Variants in TMIGD3 observed in about 807,000 individuals in gnomAD.
TMIGD3 encodes the protein transmembrane and immunoglobulin domain containing 3.
TMIGD3 carries 21 observed loss-of-function variants against 28.1 expected under a neutral mutation model. That is an observed-to-expected ratio of 0.75 (90% CI 0.53 to 1.08). The LOEUF (loss-of-function observed/expected upper bound fraction) is 1.08, where lower values mean the gene tolerates loss of function less well. Among genes scored for constraint, TMIGD3 ranks in the 50% least tolerant of loss-of-function variants. The pLI, the probability that TMIGD3 is intolerant of heterozygous loss-of-function variation, is 0.00. For missense variants in TMIGD3, 416 were observed against 435.6 expected (o/e 0.96, Z 0.40); for synonymous variants, 151 against 162.1 (o/e 0.93, Z 0.52).
Position 111,493,637 on chromosome 1 carries a change from C to G in TMIGD3, c.351-2875G>C, listed in dbSNP as rs181314457. ...TCTACTTTTGTATGTATGAAGTTTT[C>G]CATAAGAAAAAGTAAAAATCAAAAA... On this transcript the variant is annotated intron_variant, in intron 1 of 5. Coordinates refer to ENST00000369716, the MANE Select transcript of TMIGD3 (RefSeq NM_020683.7). Among the ~76,000 whole-genome samples, 22 of 152,266 alleles carry G rather than the reference C, an allele frequency of 1.4e-4. No individual in the cohort carries two copies. The East Asian group carries it at 3.5e-3, about 24-fold the overall frequency.
chr1:111,561,398 A>G (rs1657730138), intron 1 of TMIGD3, among the ~76,000 whole-genome samples: 1 of 152,260 alleles, frequency 6.6e-6, no homozygotes, highest in African/African-American at 2.4e-5. Context: ...CTGGGATTAC[A>G]GGCGTGAGCC....
chr1:111,554,720 A>G (rs1312385682), intron 1 of TMIGD3, among the ~76,000 whole-genome samples: 1 of 152,242 alleles, frequency 6.6e-6, no homozygotes. Context: ...TGAGACTTCA[A>G]ATAAGGTTAC....
intron 1 of TMIGD3, among the ~76,000 whole-genome samples, chr1:111,561,732 A>G (rs1177019546): frequency 6.6e-6 from 1 of 151,968 alleles, no homozygotes; most frequent in Non-Finnish European, 1.5e-5. Flanking sequence ...TTTCTCTCAT[A>G]TGTGTGTGTA....
chr1:111,525,514 T>C (rs1315834309), intron 1 of TMIGD3, among the ~76,000 whole-genome samples: 2 of 152,214 alleles, frequency 1.3e-5, no homozygotes, highest in Non-Finnish European at 2.9e-5. Context: ...AGTGTTACCA[T>C]GGTGTATGAT....
intron 1 of TMIGD3, among the ~76,000 whole-genome samples, chr1:111,497,710 A>C (rs544007447): frequency 6.6e-6 from 1 of 152,206 alleles, no homozygotes; most frequent in Non-Finnish European, 1.5e-5. Flanking sequence ...AAAAGAAAAA[A>C]GTAAAAGCAG....
Position 111,500,052 on chromosome 1 carries a change from T to C in TMIGD3, c.350+2953A>G, listed in dbSNP as rs769492097. The C allele has an allele frequency of 1.9e-6, 3 of 1,614,112 alleles. No homozygotes were observed. In the African/African-American group the frequency reaches 4.0e-5, roughly 22 times the overall value. ...GGTAGGTTTCCTTGAACTTCTTTATTTTATAGGCATAGACGATAGGGTTCA... is the reference window on the plus strand; with the variant it reads ...GGTAGGTTTCCTTGAACTTCTTTATCTTATAGGCATAGACGATAGGGTTCA... On this transcript the variant is annotated intron_variant, in intron 1 of 5. Coordinates refer to ENST00000369716, the MANE Select transcript of TMIGD3 (RefSeq NM_020683.7).
At position 111,523,643 on chromosome 1, in the gene TMIGD3, T is replaced by C. The variant is rs12087504; in HGVS notation, c.108-32881A>G. ...AAAACTATATGGGCTTCGAGTTTTC[T>C]TTATGTGAAAATTTGTAATATAAAT... is the stretch of plus-strand genomic sequence containing the variant. On this transcript the variant is annotated intron_variant, in intron 1 of 5. Transcript: ENST00000369717. Among the ~76,000 whole-genome samples the C allele has an allele frequency of 7.0e-3, 1,064 of 152,310 alleles. 10 individuals are homozygous for C. Among genetic ancestry groups the C allele is most frequent in the African/African-American group, 0.024 (998 of 41,584 alleles).
chr1:111,500,649 T>A (rs1444864503), intron 1 of TMIGD3: 9 of 1,182,792 alleles, frequency 7.6e-6, no homozygotes, highest in Non-Finnish European at 1.1e-5. Context: ...AGAGGTGAGA[T>A]AAGGCATATA....
chr1:111,499,110 A>AT (rs1053045859), intron 1 of TMIGD3, among the ~76,000 whole-genome samples: 6 of 151,956 alleles, frequency 3.9e-5, no homozygotes, highest in South Asian at 2.1e-4. Context: ...AAGAAAAAAA[A>AT]GAAAGAAACA....
At chr1:111,529,731 A>C (rs1571439494) in intron 1 of TMIGD3, among the ~76,000 whole-genome samples, 2 of 151,634 alleles carry the variant, frequency 1.3e-5, no homozygotes, top group East Asian at 3.9e-4. Context: ...AATTTTTCTT[A>C]GTACAGAACA....
At chr1:111,525,624 A>C (rs561981684) in intron 1 of TMIGD3, among the ~76,000 whole-genome samples, 12 of 152,158 alleles carry the variant, frequency 7.9e-5, no homozygotes, top group Non-Finnish European at 1.5e-4. Context: ...AGCATTTGGG[A>C]GGCCGAGGCA....
intron 1 of TMIGD3, among the ~76,000 whole-genome samples, chr1:111,544,121 C>G (rs1348897562): frequency 6.6e-6 from 1 of 152,194 alleles, no homozygotes; most frequent in Admixed American, 6.5e-5. Flanking sequence ...GCTCCCTTTT[C>G]AAACTAACTT....
At chr1:111,544,476 CTT>C (rs879461835) in intron 1 of TMIGD3, among the ~76,000 whole-genome samples, 2 of 152,130 alleles carry the variant, frequency 1.3e-5, no homozygotes, top group African/African-American at 4.8e-5. Flanking sequence ...TTGTGTCTAA[CTT>C]ATTTCTTTCA....
chr1:111,555,429 GA>G (rs1231450500), intron 1 of TMIGD3, among the ~76,000 whole-genome samples: 3 of 106,342 alleles, frequency 2.8e-5, no homozygotes, highest in South Asian at 2.9e-4. Flanking sequence ...AATAGTTCCA[GA>G]AAAAAAATTT....
Position 111,490,687 on chromosome 1 carries a change from G to A in TMIGD3, c.426C>T (p.Leu142=). 1 of 1,613,998 alleles carries A rather than the reference G, an allele frequency of 6.2e-7. No homozygotes were observed. The highest frequency in any genetic ancestry group is 1.3e-5 in the African/African-American group (1 of 75,024). Residue 142 remains leucine, a synonymous_variant, in exon 2 of 6, where the codon CTC becomes CTT. Coordinates refer to ENST00000369716, the MANE Select transcript of TMIGD3 (RefSeq NM_020683.7). ...LKVCFLPVMW[L]FILLSLALIS... is the part of the protein sequence containing the mutation. Reference sequence around the variant, plus strand: ...TGAGAGCCAAGGAGAGTAGAATGAAGAGCCACATGACTGGAAGGAAGCAAA... The same window carrying A: ...TGAGAGCCAAGGAGAGTAGAATGAAAAGCCACATGACTGGAAGGAAGCAAA...
At chr1:111,498,023 G>A (rs892222571) in intron 1 of TMIGD3, among the ~76,000 whole-genome samples, 4 of 152,138 alleles carry the variant, frequency 2.6e-5, no homozygotes, top group Non-Finnish European at 5.9e-5. Context: ...AATAAACCTA[G>A]GGCCTCATCC....
At chr1:111,519,611 G>C (rs1028719799) in intron 1 of TMIGD3, among the ~76,000 whole-genome samples, 2 of 152,090 alleles carry the variant, frequency 1.3e-5, no homozygotes, top group South Asian at 4.2e-4. Context: ...CTCATTCACA[G>C]CAGAGTTGAA....
At chr1:111,561,999 C>T (rs1405924959) in intron 1 of TMIGD3, among the ~76,000 whole-genome samples, 1 of 152,092 alleles carries the variant, frequency 6.6e-6, no homozygotes, top group Non-Finnish European at 1.5e-5. Context: ...CGATAGAATT[C>T]AAACCCTCCA....
chr1:111,483,514 T>C lies in TMIGD3; in HGVS notation c.*173A>G, dbSNP rs72991708. On this transcript the variant is annotated 3_prime_UTR_variant, in exon 6 of 6. Transcript: ENST00000369716. ...AGCCTTGCTTGGGTGTGGTCTATCA[T>C]AGCTCCTCTGACTACCGCCGTTGCT... is the stretch of plus-strand genomic sequence containing the variant. 2,133 of 650,790 alleles carry C rather than the reference T, an allele frequency of 3.3e-3. 35 individuals are homozygous for C. In the African/African-American group the frequency reaches 0.035, roughly 11 times the overall value. The allele number at this position is 650,790 out of a possible 1,614,324, so 40.3% of individuals were successfully genotyped here.
Sources: allele counts gnomAD v4.1 joint callset (sites outside exome capture counted in the v4.1 genomes callset), GRCh38; gene constraint gnomAD v4.1.1; transcripts MANE v1.5; gene names NCBI Gene and HGNC (gene_info 2026-07-23, HGNC 2026-07-21).